The following CDH4 variants were observed in gnomAD, a reference collection of about 807,000 sequenced individuals.
CDH4 encodes cadherin-4.
In CDH4, 33 loss-of-function variants were observed where a neutral mutation model predicts 86.0. The ratio of observed to expected loss-of-function variants is 0.38; its 90% CI spans 0.29 to 0.51. The LOEUF is 0.51. Ranked by LOEUF, CDH4 falls within the 20% of genes least tolerant of loss-of-function variation. The probability of loss-of-function intolerance (pLI) is 0.86; values close to 1 mark genes in which losing one functional copy is unlikely to be tolerated. For synonymous variants in CDH4, 555 were observed against 549.4 expected (o/e 1.01, Z -0.14); for missense variants, 1,114 against 1,307.4 (o/e 0.85, Z 2.28).
In CDH4 at chr20:61,501,493, G is replaced by A. The variant is rs1230327191; in HGVS notation, c.170-242070G>A. Among the ~76,000 whole-genome samples, 4 of 152,114 alleles carry A rather than the reference G, an allele frequency of 2.6e-5. No individual in the cohort carries two copies. Among genetic ancestry groups the A allele is most frequent in the Non-Finnish European group, 4.4e-5 (3 of 68,012 alleles). On this transcript the variant is annotated intron_variant, in intron 2 of 15. Transcript: ENST00000614565. The surrounding 1 kb of genome is among the most constrained non-coding windows in gnomAD (Gnocchi z 4.2). ...ATTAGGTGAGCGATGTAGCTGGAAC[G>A]AGGCCTGGCTGAGATTCAGGAGACG...
chr20:61,421,640 T>C (rs2085178327), intron 2 of CDH4, among the ~76,000 whole-genome samples: 1 of 152,106 alleles, frequency 6.6e-6, no homozygotes, highest in Non-Finnish European at 1.5e-5. Flanking sequence ...TCTCTGGAGA[T>C]GTTATACTTC....
chr20:61,319,308 G>A (rs1600862494), intron 2 of CDH4, among the ~76,000 whole-genome samples: 1 of 152,216 alleles, frequency 6.6e-6, no homozygotes, highest in East Asian at 1.9e-4. Flanking sequence ...GACACACTGG[G>A]ATTGCTAACA....
chr20:61,274,141 G>C (rs1387661556), intron 2 of CDH4, among the ~76,000 whole-genome samples: 2 of 136,472 alleles, frequency 1.5e-5, no homozygotes, highest in African/African-American at 5.6e-5. Context: ...ACCATGCGTA[G>C]TTTGGGGAAG....
intron 2 of CDH4, among the ~76,000 whole-genome samples, chr20:61,619,882 C>T (rs1423161379): frequency 6.6e-6 from 1 of 152,232 alleles, no homozygotes; most frequent in Non-Finnish European, 1.5e-5. Context: ...GATGGCAGCG[C>T]TGGGGCCTGA....
chr20:61,475,858 A>G (rs536914399), intron 2 of CDH4, among the ~76,000 whole-genome samples: 1 of 151,904 alleles, frequency 6.6e-6, no homozygotes, highest in African/African-American at 2.4e-5. Context: ...GTGTTTTTAT[A>G]CTAATTCTGA....
chr20:61,427,279 G>A (rs2085220220), intron 2 of CDH4, among the ~76,000 whole-genome samples: 1 of 152,158 alleles, frequency 6.6e-6, no homozygotes, highest in Admixed American at 6.5e-5. Context: ...CTTTTGCACA[G>A]CCTGCCTGAT....
intron 2 of CDH4, among the ~76,000 whole-genome samples, chr20:61,594,226 A>AG (rs1355233432): frequency 1.4e-5 from 1 of 70,416 alleles, no homozygotes; most frequent in East Asian, 5.4e-4. Context: ...GTGAAGAGGG[A>AG]GGGGGGCTGA....
At chr20:61,654,207 G>A (rs1038002266) in intron 2 of CDH4, among the ~76,000 whole-genome samples, 5 of 152,332 alleles carry the variant, frequency 3.3e-5, no homozygotes, top group South Asian at 4.1e-4. Context: ...CAGATCACTC[G>A]CGGTTAGGAG....
At position 61,835,737 on chromosome 20, in the gene CDH4, C is replaced by T. The variant is rs118108235; in HGVS notation, c.577-8931C>T. Among the ~76,000 whole-genome samples the T allele has an allele frequency of 9.2e-4, 140 of 152,348 alleles. 2 individuals carry two copies. The East Asian group carries it at 0.024, about 26-fold the overall frequency. ...CTTGTACGAGAATCCCTGTCTTGGG[C>T]TCTGTTTATAGGGACCCCAACCTAA... On this transcript the variant is annotated intron_variant, in intron 4 of 15. Coordinates refer to ENST00000614565, the MANE Select transcript of CDH4 (RefSeq NM_001794.5).
intron 2 of CDH4, among the ~76,000 whole-genome samples, chr20:61,301,451 T>C (rs2084385680): frequency 6.6e-6 from 1 of 152,186 alleles, no homozygotes; most frequent in East Asian, 1.9e-4. Context: ...TTGCTGACAT[T>C]TGGGGCAGAC....
chr20:61,904,394 G>A (rs904050796), intron 8 of CDH4, among the ~76,000 whole-genome samples: 4 of 152,210 alleles, frequency 2.6e-5, no homozygotes, highest in Non-Finnish European at 4.4e-5. Flanking sequence ...GGGACTCTCC[G>A]GCAGCTTCTC....
At chr20:61,661,092 G>GT (rs1568740337) in intron 2 of CDH4, among the ~76,000 whole-genome samples, 2 of 141,772 alleles carry the variant, frequency 1.4e-5, no homozygotes, top group Non-Finnish European at 3.1e-5. Context: ...GGCGGGGGGG[G>GT]GGGAGACACA....
intron 2 of CDH4, among the ~76,000 whole-genome samples, chr20:61,267,360 G>T (rs182732841): frequency 1.3e-5 from 2 of 152,134 alleles, no homozygotes; most frequent in Non-Finnish European, 2.9e-5. Context: ...TTTAGCCTCC[G>T]ATTCCCCAGG....
intron 8 of CDH4, among the ~76,000 whole-genome samples, chr20:61,898,911 C>A (rs1455527270): frequency 1.3e-5 from 2 of 152,188 alleles, no homozygotes; most frequent in African/African-American, 4.8e-5. Context: ...CTTTAACAGA[C>A]CTGGAGTCCT....
At chr20:61,705,297 G>A (rs974913885) in intron 2 of CDH4, among the ~76,000 whole-genome samples, 1 of 152,196 alleles carries the variant, frequency 6.6e-6, no homozygotes, top group Non-Finnish European at 1.5e-5. Flanking sequence ...TGCCTGTCCC[G>A]GCCAGGCCCC....
chr20:61,844,367 T>C (rs921154510), intron 4 of CDH4, among the ~76,000 whole-genome samples: 1 of 152,256 alleles, frequency 6.6e-6, no homozygotes, highest in African/African-American at 2.4e-5. Context: ...GAGGCCATTT[T>C]ATACCATCAT....
At chr20:61,629,282 C>A (rs973253507) in intron 2 of CDH4, among the ~76,000 whole-genome samples, 1 of 152,294 alleles carries the variant, frequency 6.6e-6, no homozygotes, top group East Asian at 1.9e-4. Context: ...CCGGAGCCCT[C>A]CAGGAAGCCT....
chr20:61,843,880 A>G (rs1982301053), intron 4 of CDH4, among the ~76,000 whole-genome samples: 1 of 152,078 alleles, frequency 6.6e-6, no homozygotes, highest in Non-Finnish European at 1.5e-5. Context: ...TCACCTTTCA[A>G]ATCTCCGTGG....
intron 2 of CDH4, among the ~76,000 whole-genome samples, chr20:61,418,975 C>T (rs748468461): frequency 1.2e-4 from 18 of 152,324 alleles, no homozygotes; most frequent in African/African-American, 4.1e-4. Flanking sequence ...TGTGACTTCT[C>T]TTGTCATTGG....
Sources: gnomAD v4.1 joint callset for allele counts (sites outside exome capture counted in the v4.1 genomes callset) on GRCh38, gnomAD v4.1.1 for gene constraint, Gnocchi (gnomAD v3.1) non-coding constraint, MANE v1.5 for transcripts, NCBI Gene and HGNC (gene_info 2026-07-23, HGNC 2026-07-21) for gene names.